The following ADAMTSL1 variants were observed in gnomAD, a reference collection of about 807,000 sequenced individuals.
ADAMTSL1 encodes the protein ADAMTS-like protein 1.
In ADAMTSL1, 126 loss-of-function variants were observed where a neutral mutation model predicts 201.8. The ratio of observed to expected loss-of-function variants is 0.62; its 90% CI spans 0.54 to 0.72. The LOEUF (loss-of-function observed/expected upper bound fraction) is 0.72, where lower values mean the gene tolerates loss of function less well. Among genes scored for constraint, ADAMTSL1 ranks in the 30% least tolerant of loss-of-function variants. The probability of loss-of-function intolerance (pLI) is 0.00; values close to 1 mark genes in which losing one functional copy is unlikely to be tolerated. For synonymous variants in ADAMTSL1, 1,121 were observed against 903.4 expected (o/e 1.24, Z -4.32); for missense variants, 2,679 against 2,277.8 (o/e 1.18, Z -3.59).
chr9:18,051,107 C>G (rs1214873958), intron 1 of ADAMTSL1, among the ~76,000 whole-genome samples: 1 of 152,136 alleles, frequency 6.6e-6, no homozygotes, highest in South Asian at 2.1e-4. Flanking sequence ...GGAGACCATC[C>G]TGGCTAACAT....
intron 15 of ADAMTSL1, among the ~76,000 whole-genome samples, chr9:18,734,662 T>C (rs947099213): frequency 1.5e-4 from 23 of 152,168 alleles, no homozygotes; most frequent in African/African-American, 5.6e-4. Context: ...AACACAGAGA[T>C]GATGGATTCA....
chr9:17,913,624 G>C (rs1445783757), intron 1 of ADAMTSL1, among the ~76,000 whole-genome samples: 15 of 152,022 alleles, frequency 9.9e-5, no homozygotes, highest in Admixed American at 9.8e-4. Context: ...AGAAAAGCAA[G>C]AGCAAACATA....
intron 2 of ADAMTSL1, among the ~76,000 whole-genome samples, chr9:18,529,271 A>G (rs1421475203): frequency 6.6e-6 from 1 of 152,220 alleles, no homozygotes; most frequent in Non-Finnish European, 1.5e-5. Context: ...CGGATTTACC[A>G]GAATTGAGAA....
chr9:18,176,896 C>T (rs1391597883), intron 2 of ADAMTSL1, among the ~76,000 whole-genome samples: 1 of 152,124 alleles, frequency 6.6e-6, no homozygotes, highest in Non-Finnish European at 1.5e-5. Flanking sequence ...TCTTCAGAAA[C>T]AGCGCTTGAT....
At chr9:18,614,268 T>C (rs1337874374) in intron 4 of ADAMTSL1, among the ~76,000 whole-genome samples, 1 of 152,146 alleles carries the variant, frequency 6.6e-6, no homozygotes, top group Non-Finnish European at 1.5e-5. Context: ...GGAGGATGTG[T>C]ATCCTCGTTC....
intron 23 of ADAMTSL1, among the ~76,000 whole-genome samples, chr9:18,841,532 C>T (rs1375954193): frequency 6.6e-6 from 1 of 152,150 alleles, no homozygotes; most frequent in Non-Finnish European, 1.5e-5. Flanking sequence ...GCTTTGGTAT[C>T]AGGATGATGC....
rs115011860 is a variant in ADAMTSL1, at chr9:18,904,824, A to C, written c.4852-958A>C. ...GGGCCCTTCAGAGTCCAGAAGAGCA[A>C]TAATTCGCCTTGGGCACAGCTGTCT... On this transcript the variant is annotated intron_variant, in intron 26 of 28. Transcript: ENST00000380548. Among the ~76,000 whole-genome samples the C allele has an allele frequency of 3.6e-3, 538 of 150,690 alleles. 6 individuals carry two copies. The highest frequency in any genetic ancestry group is 0.012 in the African/African-American group (507 of 40,776).
At chr9:18,838,532 A>G (rs1825484003) in intron 23 of ADAMTSL1, among the ~76,000 whole-genome samples, 1 of 151,914 alleles carries the variant, frequency 6.6e-6, no homozygotes, top group South Asian at 2.1e-4. Context: ...ATAAATAAAT[A>G]AATAAATAAC....
chr9:18,633,891 G>A (rs1826939116), intron 5 of ADAMTSL1, among the ~76,000 whole-genome samples: 1 of 150,746 alleles, frequency 6.6e-6, no homozygotes, highest in African/African-American at 2.4e-5. Context: ...GGGCCTTGGA[G>A]AGTTGAAACA....
At chr9:18,395,346 T>C (rs1355697905) in intron 2 of ADAMTSL1, among the ~76,000 whole-genome samples, 1 of 152,190 alleles carries the variant, frequency 6.6e-6, no homozygotes, top group Admixed American at 6.5e-5. Context: ...AAAATGTGGG[T>C]ATTGGTTTTT....
intron 14 of ADAMTSL1, among the ~76,000 whole-genome samples, chr9:18,712,837 G>A (rs1283193006): frequency 6.7e-6 from 1 of 149,898 alleles, no homozygotes; most frequent in Non-Finnish European, 1.5e-5. Flanking sequence ...AAATGTTAAG[G>A]GCAGCCAGAG....
intron 1 of ADAMTSL1, among the ~76,000 whole-genome samples, chr9:17,923,307 T>A (rs1196912002): frequency 1.4e-5 from 2 of 147,944 alleles, no homozygotes; most frequent in East Asian, 2.0e-4. Context: ...TGTATCCTCT[T>A]TTATTTCCTT....
chr9:18,250,660 C>T (rs1831429639), intron 2 of ADAMTSL1, among the ~76,000 whole-genome samples: 1 of 151,918 alleles, frequency 6.6e-6, no homozygotes, highest in South Asian at 2.1e-4. Flanking sequence ...TGGCTGGGGC[C>T]CTGGGAAGTG....
At chr9:18,238,920 A>T (rs1308707738) in intron 2 of ADAMTSL1, among the ~76,000 whole-genome samples, 1 of 152,244 alleles carries the variant, frequency 6.6e-6, no homozygotes, top group Non-Finnish European at 1.5e-5. Context: ...GTTCCAGACC[A>T]TTGCAACAAA....
chr9:18,630,077 T>G (rs1826655330), intron 5 of ADAMTSL1, among the ~76,000 whole-genome samples: 1 of 152,216 alleles, frequency 6.6e-6, no homozygotes, highest in African/African-American at 2.4e-5. Context: ...GATATTTTTG[T>G]ATTTCTATAA....
intron 1 of ADAMTSL1, among the ~76,000 whole-genome samples, chr9:18,083,545 C>T (rs772131255): frequency 1.1e-4 from 16 of 152,166 alleles, no homozygotes; most frequent in Non-Finnish European, 2.1e-4. Context: ...TAGGTAATTT[C>T]AGGCTTAAAC....
At chr9:18,639,635 ATCTT>A (rs749687921) in intron 7 of ADAMTSL1, among the ~76,000 whole-genome samples, 9 of 152,084 alleles carry the variant, frequency 5.9e-5, no homozygotes, top group Non-Finnish European at 1.2e-4. Flanking sequence ...AATTAATACA[ATCTT>A]TATTATGTAA....
intron 1 of ADAMTSL1, among the ~76,000 whole-genome samples, chr9:18,028,352 A>C (rs1820788879): frequency 6.6e-6 from 1 of 152,096 alleles, no homozygotes; most frequent in Non-Finnish European, 1.5e-5. Context: ...TGTAGTGGAA[A>C]CAAATTCACT....
At chr9:18,234,474 G>A (rs1304721600) in intron 2 of ADAMTSL1, among the ~76,000 whole-genome samples, 2 of 152,148 alleles carry the variant, frequency 1.3e-5, no homozygotes. Flanking sequence ...AAGCTTCGGA[G>A]CTAGTGTACC....
Sources: allele counts gnomAD v4.1 joint callset (sites outside exome capture counted in the v4.1 genomes callset), GRCh38; gene constraint gnomAD v4.1.1; transcripts MANE v1.5; gene names NCBI Gene and HGNC (gene_info 2026-07-23, HGNC 2026-07-21).